Variants in BIRC6 observed in about 807,000 individuals in gnomAD.
BIRC6 encodes the protein baculoviral IAP repeat containing 6, also known as dual E2 ubiquitin-conjugating enzyme/E3 ubiquitin-protein ligase BIRC6.
Under a neutral mutation model 503.3 loss-of-function variants are expected in BIRC6, and 98 were observed. The observed-to-expected ratio is 0.19, with a 90% CI of 0.17 to 0.23. The LOEUF (loss-of-function observed/expected upper bound fraction) is 0.23, where lower values mean the gene tolerates loss of function less well. Among genes scored for constraint, BIRC6 ranks in the 10% least tolerant of loss-of-function variants. BIRC6 has a pLI of 1.00. For missense variants in BIRC6, 5,360 were observed against 5,806.0 expected, an observed-to-expected ratio of 0.92 and a Z score of 2.50; for synonymous variants, 2,240 against 2,078.7, an observed-to-expected ratio of 1.08 and a Z score of -2.11.
rs61757641 is a variant in BIRC6 at position 32,468,719 on chromosome 2, G to A, written c.6063G>A (p.Glu2021=). The change falls in exon 29 of 74, where the codon GAG becomes GAA. Residue 2021 remains glutamate (E), a synonymous_variant. Coordinates refer to ENST00000421745, the MANE Select transcript of BIRC6 (RefSeq NM_016252.4). ...PEDLIQTSST[E]QLRTIIRYLL... Reference sequence around the variant, plus strand: ...ATTTAATTCAGACATCTTCCACAGAGCAGTTACGTACTATCATCAGATATT... The same window carrying A: ...ATTTAATTCAGACATCTTCCACAGAACAGTTACGTACTATCATCAGATATT... The A allele has an allele frequency of 5.1e-4, 830 of 1,613,870 alleles. 2 individuals carry two copies. In the East Asian group the frequency reaches 0.017, roughly 33 times the overall value.
At chr2:32,418,079 G>A (rs2042572757) in intron 10 of BIRC6, among the ~76,000 whole-genome samples, 1 of 152,134 alleles carries the variant, frequency 6.6e-6, no homozygotes, top group Non-Finnish European at 1.5e-5. Context: ...TGTACCCAGT[G>A]AAATTTCTGT....
At chr2:32,451,106 A>G (rs1208844637) in intron 22 of BIRC6, among the ~76,000 whole-genome samples, 1 of 152,184 alleles carries the variant, frequency 6.6e-6, no homozygotes, top group African/African-American at 2.4e-5. Flanking sequence ...GTCTGCCTAC[A>G]TCTGTTCTTG....
rs559679428 is a variant in BIRC6 at position 32,505,935 on chromosome 2, C to A, written c.9700+730C>A. Among the ~76,000 whole-genome samples, 4 of 151,996 alleles carry A rather than the reference C, an allele frequency of 2.6e-5. No homozygotes were observed. In the East Asian group the frequency reaches 5.8e-4, roughly 22 times the overall value. The stretch of plus-strand genomic sequence containing the variant: ...TTTGATATATCACTGTAGCCTTGAC[C>A]CCTGAGGCTCAAATGATCCTCTCAT... On this transcript the variant is annotated intron_variant, in intron 50 of 73. Coordinates refer to ENST00000421745, the MANE Select transcript of BIRC6 (RefSeq NM_016252.4).
intron 73 of BIRC6, among the ~76,000 whole-genome samples, chr2:32,614,670 G>A (rs2710607): frequency 0.92 from 140,537 of 152,028 alleles, 65,295 homozygotes; most frequent in East Asian, 1. Context: ...TCTATTAAAA[G>A]AAAATACAAA....
At chr2:32,564,276 G>A (rs1429415605) in intron 65 of BIRC6, 1 of 152,070 alleles carries the variant, frequency 6.6e-6, no homozygotes, top group African/African-American at 2.4e-5. Flanking sequence ...ATGTTTTCAG[G>A]GTTTATTGAT....
intron 1 of BIRC6, among the ~76,000 whole-genome samples, chr2:32,367,994 T>C (rs978636563): frequency 1.3e-5 from 2 of 152,224 alleles, no homozygotes; most frequent in East Asian, 3.8e-4. Flanking sequence ...ATTTAAATCT[T>C]CATAATTTGT....
intron 1 of BIRC6, among the ~76,000 whole-genome samples, chr2:32,358,903 A>G (rs1175278765): frequency 6.6e-6 from 1 of 152,212 alleles, no homozygotes; most frequent in Non-Finnish European, 1.5e-5. Context: ...ACTTGGACAT[A>G]ATGGCTTCTC....
At position 32,445,644 on chromosome 2, in the gene BIRC6, C is replaced by G. The variant is rs2045870818; in HGVS notation, c.4460C>G (p.Pro1487Arg). Residue 1487 changes from proline to arginine, a missense_variant, in exon 21 of 74, where the codon CCA becomes CGA. This residue lies in a region of BIRC6 where 2,299 missense variants were observed against 2,267.2 expected (regional missense o/e 1.01). Coordinates refer to ENST00000421745, the MANE Select transcript of BIRC6 (RefSeq NM_016252.4). The stretch of plus-strand genomic sequence containing the variant: ...AGACAGTTACAGGACAGGCTAACAC[C>G]AATGGAGGCTTTACTTCAGACAAGG... The part of the protein sequence containing the change: ...VSRQLQDRLT[P>R]MEALLQTRYG... 1 of 1,564,840 alleles carries G rather than the reference C, an allele frequency of 6.4e-7. No homozygotes were observed. The highest frequency in any genetic ancestry group is 8.7e-7 in the Non-Finnish European group (1 of 1,153,840).
rs763664799 is a variant in BIRC6, at chr2:32,415,634, A to G, written c.2343A>G (p.Lys781=). Reference sequence around the variant, plus strand: ...ACTCTGCACTATGTAATAGACGGAAAGGTGAGCTGGAATCAAATCTTGCTG... The same window carrying G: ...ACTCTGCACTATGTAATAGACGGAAGGGTGAGCTGGAATCAAATCTTGCTG... ...KLNSALCNRR[K]GELESNLAVV... is the part of the protein sequence containing the mutation. Residue 781 remains lysine (K), a synonymous_variant, in exon 10 of 74, where the codon AAA becomes AAG. Transcript: ENST00000421745. 3.1e-6 allele frequency: 5 copies of G among 1,613,862 alleles called. No individual in the cohort carries two copies. The East Asian group carries it at 6.7e-5, about 22-fold the overall frequency.
intron 21 of BIRC6, among the ~76,000 whole-genome samples, chr2:32,446,359 A>C (rs1041543868): frequency 6.6e-6 from 1 of 152,174 alleles, no homozygotes; most frequent in African/African-American, 2.4e-5. Context: ...GTATTTCAAA[A>C]CTTCTAACGT....
At chr2:32,449,591 T>C (rs1248429005) in intron 22 of BIRC6, among the ~76,000 whole-genome samples, 3 of 152,194 alleles carry the variant, frequency 2.0e-5, no homozygotes, top group African/African-American at 7.2e-5. Context: ...GTTAGAAAAT[T>C]TGCAAACAGA....
rs539275342 is a variant in BIRC6 at position 32,357,208 on chromosome 2, C to T, written c.47C>T (p.Pro16Leu). Residue 16 changes from proline (P) to leucine (L), a missense_variant, in exon 1 of 74, where the codon CCG becomes CTG. Around this residue, in one of 16 missense-constraint regions of BIRC6, gnomAD observed 145 missense variants for 106.9 expected, o/e 1.36. Transcript: ENST00000421745. This position sits in a 1 kb window ranked among gnomAD's most constrained non-coding sequence, Gnocchi z 4.9. ...GCACCTCCCGGGACTGTCACTGAGC[C>T]GCTTCCCAGTGTGATTGTGCTGAGC... ...GAAPPGTVTE[P>L]LPSVIVLSAG... 3.2e-6 allele frequency: 5 copies of T among 1,538,694 alleles called. No individual in the cohort carries two copies. The highest frequency in any genetic ancestry group is 2.0e-5 in the Admixed American group (1 of 49,768).
intron 66 of BIRC6, among the ~76,000 whole-genome samples, chr2:32,575,917 A>G (rs567830606): frequency 6.6e-6 from 1 of 152,216 alleles, no homozygotes; most frequent in African/African-American, 2.4e-5. Flanking sequence ...AGCTATAGGT[A>G]TGAAGTTTTT....
At chr2:32,579,741 T>C (rs991709602) in intron 66 of BIRC6, among the ~76,000 whole-genome samples, 2 of 152,116 alleles carry the variant, frequency 1.3e-5, no homozygotes, top group Admixed American at 1.3e-4. Flanking sequence ...GAAAGGCTTA[T>C]CATTTACCTT....
At chr2:32,553,036 C>CA (rs1484206998) in intron 65 of BIRC6, among the ~76,000 whole-genome samples, 3 of 143,640 alleles carry the variant, frequency 2.1e-5, no homozygotes, top group African/African-American at 7.7e-5. Flanking sequence ...AAAAAACAAA[C>CA]AAAAAACAAA....
chr2:32,452,676 T>G (rs1006536958), intron 22 of BIRC6, among the ~76,000 whole-genome samples: 3 of 152,128 alleles, frequency 2.0e-5, no homozygotes, highest in Non-Finnish European at 4.4e-5. Context: ...GAGAAGCATT[T>G]TATTATCCCA....
rs192781046 is a variant in BIRC6 at position 32,513,912 on chromosome 2, A to G, written c.10568+758A>G. ...CGACAAGAGCAAGACTCTGTCTCAA[A>G]AAAAAAAAGTCAGCCGGACACGGTG... On this transcript the variant is annotated intron_variant, in intron 54 of 73. Coordinates refer to ENST00000421745, the MANE Select transcript of BIRC6 (RefSeq NM_016252.4). Among the ~76,000 whole-genome samples, 1,317 of 152,176 alleles carry G rather than the reference A, an allele frequency of 8.7e-3. 10 individuals carry two copies. The highest frequency in any genetic ancestry group is 0.02 in the Middle Eastern group (6 of 294).
chr2:32,370,717 G>T (rs1374763792), intron 1 of BIRC6, among the ~76,000 whole-genome samples: 1 of 151,950 alleles, frequency 6.6e-6, no homozygotes, highest in Non-Finnish European at 1.5e-5. Context: ...ATTCTTGTGG[G>T]TACATAGTAG....
intron 4 of BIRC6, among the ~76,000 whole-genome samples, chr2:32,390,709 T>A (rs535024281): frequency 6.6e-6 from 1 of 152,356 alleles, no homozygotes; most frequent in Non-Finnish European, 1.5e-5. Context: ...GTGCAGATGT[T>A]ATCAAAGGCA....
Sources: allele counts gnomAD v4.1 joint callset (sites outside exome capture counted in the v4.1 genomes callset), GRCh38; gene constraint gnomAD v4.1.1; regional missense constraint gnomAD v4.1.1; non-coding constraint Gnocchi (gnomAD v3.1); transcripts MANE v1.5; gene names NCBI Gene and HGNC (gene_info 2026-07-23, HGNC 2026-07-21).